Variants in TEX9 observed in about 807,000 individuals in gnomAD.
TEX9 encodes testis expressed 9.
Under a neutral mutation model 59.6 loss-of-function variants are expected in TEX9, and 74 were observed. That is an observed-to-expected ratio of 1.24 (90% confidence interval 1.03 to 1.51). The LOEUF (loss-of-function observed/expected upper bound fraction) is 1.51. Ranked by LOEUF, TEX9 falls within the 40% of genes most tolerant of loss-of-function variation. TEX9 has a pLI of 0.00. For synonymous variants in TEX9, 186 were observed against 152.2 expected (o/e 1.22, Z -1.64); for missense variants, 522 against 447.8 (o/e 1.17, Z -1.49).
In TEX9 at chr15:56,395,037, G is replaced by T. The variant is rs755882122; in HGVS notation, c.828+203G>T. 22 of 573,534 alleles carry T rather than the reference G, an allele frequency of 3.8e-5. No homozygotes were observed. In the Middle Eastern group the frequency reaches 2.8e-3, roughly 72 times the overall value. The allele number at this position is 573,534 out of a possible 1,614,324, so 35.5% of individuals were successfully genotyped here. ...AAAGTATGCAATTCAATGGCTTTTG[G>T]TGTATTCATAGAATTGTGCAACTAT... On this transcript the variant is annotated intron_variant, in intron 9 of 12. Transcript: ENST00000352903.
intron 1 of TEX9, among the ~76,000 whole-genome samples, chr15:56,353,508 G>A (rs1426257483): frequency 1.3e-5 from 2 of 152,176 alleles, no homozygotes; most frequent in African/African-American, 4.8e-5. Flanking sequence ...TTTCTGAGTT[G>A]TGAATAATAG....
chr15:56,283,362 T>C (rs1440965604), intron 1 of TEX9, among the ~76,000 whole-genome samples: 3 of 152,146 alleles, frequency 2.0e-5, no homozygotes. Context: ...TCAGATGGTA[T>C]TCAAAAATAT....
chr15:56,317,188 G>T (rs1396112045), intron 1 of TEX9, among the ~76,000 whole-genome samples: 1 of 152,244 alleles, frequency 6.6e-6, no homozygotes, highest in Non-Finnish European at 1.5e-5. Flanking sequence ...CTTGTGGGAA[G>T]TTTTTAATTA....
chr15:56,426,406 T>TTGG (rs771816217), intron 10 of TEX9, among the ~76,000 whole-genome samples: 3 of 151,278 alleles, frequency 2.0e-5, no homozygotes, highest in Non-Finnish European at 4.4e-5. Context: ...AGGCAGTCTC[T>TTGG]TGGTTGCTGC....
chr15:56,445,385 C>T (rs1377653626), intron 12 of TEX9, among the ~76,000 whole-genome samples: 1 of 151,938 alleles, frequency 6.6e-6, no homozygotes, highest in Non-Finnish European at 1.5e-5. Flanking sequence ...TATACTGAGG[C>T]AATTTTTTAA....
At chr15:56,265,986 C>G (rs1296576239) in intron 1 of TEX9, among the ~76,000 whole-genome samples, 1 of 152,138 alleles carries the variant, frequency 6.6e-6, no homozygotes, top group East Asian at 1.9e-4. Context: ...TCTGAGCCAC[C>G]AACCATAATT....
At chr15:56,457,978 T>G in the TEX9 span, among the ~76,000 whole-genome samples, 1 of 152,196 alleles carries the variant, frequency 6.6e-6, no homozygotes, top group African/African-American at 2.4e-5. Context: ...CAGACATCCT[T>G]CATCATGTGA....
At chr15:56,374,740 C>G (rs1297602790) in intron 3 of TEX9, 3 of 152,098 alleles carry the variant, frequency 2.0e-5, no homozygotes, top group African/African-American at 7.2e-5. Context: ...TTCTTCAACT[C>G]TCTATCTCCA....
chr15:56,393,337 A>G (rs1454823924), intron 7 of TEX9, among the ~76,000 whole-genome samples: 2 of 152,166 alleles, frequency 1.3e-5, no homozygotes, highest in Non-Finnish European at 2.9e-5. Context: ...CATCAGCTCC[A>G]TGATAACACT....
intron 12 of TEX9, 56 bp downstream of exon 12, chr15:56,430,210 T>C (rs193302763): frequency 1.2e-4 from 19 of 152,318 alleles, no homozygotes; most frequent in African/African-American, 3.4e-4. Flanking sequence ...GAAACTGTTA[T>C]TACTTTTTTA....
At chr15:56,292,109 C>A (rs1455629354) in intron 1 of TEX9, among the ~76,000 whole-genome samples, 6 of 152,162 alleles carry the variant, frequency 3.9e-5, no homozygotes, top group African/African-American at 1.4e-4. Context: ...GTGCTATGTT[C>A]CCCATAGTTA....
intron 1 of TEX9, among the ~76,000 whole-genome samples, chr15:56,340,254 A>G (rs2046346646): frequency 6.6e-6 from 1 of 152,188 alleles, no homozygotes; most frequent in South Asian, 2.1e-4. Context: ...CATTTCAATG[A>G]TATGTTTAGG....
chr15:56,398,283 T>C (rs2048577639), intron 9 of TEX9: 1 of 152,226 alleles, frequency 6.6e-6, no homozygotes, highest in Non-Finnish European at 1.5e-5. Context: ...GTTGAAATAA[T>C]ATTTGAATAT....
intron 9 of TEX9, among the ~76,000 whole-genome samples, chr15:56,403,175 T>G (rs1371704645): frequency 6.6e-6 from 1 of 152,182 alleles, no homozygotes; most frequent in Non-Finnish European, 1.5e-5. Flanking sequence ...TATTCAATTA[T>G]GAAAAGAGGA....
At chr15:56,276,145 ACT>A (rs1491460923) in intron 1 of TEX9, among the ~76,000 whole-genome samples, 1 of 150,706 alleles carries the variant, frequency 6.6e-6, no homozygotes, top group African/African-American at 2.4e-5. Flanking sequence ...ACTTCTCTAA[ACT>A]TTTTTTTTAA....
At chr15:56,314,651 A>G (rs1302612284) in intron 1 of TEX9, among the ~76,000 whole-genome samples, 1 of 152,148 alleles carries the variant, frequency 6.6e-6, no homozygotes, top group East Asian at 1.9e-4. Context: ...AGAGTTCTGT[A>G]GATATCTATT....
At chr15:56,327,254 A>G (rs1188304259) in intron 1 of TEX9, among the ~76,000 whole-genome samples, 8 of 152,134 alleles carry the variant, frequency 5.3e-5, no homozygotes, top group African/African-American at 1.9e-4. Context: ...GTACGCCATA[A>G]TTTATTTAAT....
intron 10 of TEX9, among the ~76,000 whole-genome samples, chr15:56,413,251 T>A (rs1315837215): frequency 2.1e-5 from 1 of 48,246 alleles, no homozygotes; most frequent in African/African-American, 6.5e-5. Flanking sequence ...AATAATTTAA[T>A]TTATTTAATT....
intron 1 of TEX9, among the ~76,000 whole-genome samples, chr15:56,306,280 G>GAAAAAAAAAAAAAAAAAAAAAA (rs2045484308): frequency 2.8e-5 from 2 of 72,020 alleles, no homozygotes; most frequent in Non-Finnish European, 3.2e-5. Flanking sequence ...AAAAAAAAAG[G>GAAAAAAAAAAAAAAAAAAAAAA]AAATCAGTGT....
Sources: gnomAD v4.1 joint callset for allele counts (sites outside exome capture counted in the v4.1 genomes callset) on GRCh38, gnomAD v4.1.1 for gene constraint, MANE v1.5 for transcripts, NCBI Gene and HGNC (gene_info 2026-07-23, HGNC 2026-07-21) for gene names.